E2F6: variants seen among roughly 807,000 people sequenced by gnomAD.
The protein encoded by E2F6 is E2F transcription factor 6.
A neutral mutation model predicts 31.5 loss-of-function variants in E2F6; 19 were observed. The ratio of observed to expected loss-of-function variants is 0.60; its 90% CI spans 0.42 to 0.89. E2F6 has a LOEUF of 0.89. E2F6 is among the 40% of genes least tolerant of loss of function. E2F6 has a pLI of 0.00. For missense variants in E2F6, 269 were observed against 341.6 expected (o/e 0.79, Z 1.67); for synonymous variants, 121 against 127.7 (o/e 0.95, Z 0.36).
At position 11,447,757 on chromosome 2, in the gene E2F6, G is replaced by A. The variant is rs749176304; in HGVS notation, c.669C>T (p.His223=). 6.2e-7 allele frequency: 1 copy of A among 1,612,214 alleles called. No individual in the cohort carries two copies. The highest frequency in any genetic ancestry group is 1.1e-5 in the South Asian group (1 of 90,948). Reference sequence around the variant, plus strand: ...CGATAGGTCCGTTGGTGCTCCTTATGTGCACTGTGATAGAGTCCTAGCAAA... The same window carrying A: ...CGATAGGTCCGTTGGTGCTCCTTATATGCACTGTGATAGAGTCCTAGCAAA... ...PAPREDSITV[H]IRSTNGPIDV... is the part of the protein sequence containing the mutation. The change falls in exon 6 of 7, where the codon CAC becomes CAT. Residue 223 remains histidine, a synonymous_variant. Transcript: ENST00000381525.
chr2:11,459,606 G>A (rs7556984), intron 1 of E2F6, among the ~76,000 whole-genome samples: 45,052 of 151,954 alleles, frequency 0.3, 8,245 homozygotes, highest in East Asian at 0.61. Context: ...AAGTCCAGGC[G>A]CGGTGGCTCA....
intron 1 of E2F6, among the ~76,000 whole-genome samples, chr2:11,462,570 C>CAGCATACTGGAAGCACTACTGGA (rs889200933): frequency 6.6e-6 from 1 of 152,230 alleles, no homozygotes; most frequent in African/African-American, 2.4e-5. Context: ...CAATTCTCTT[C>CAGCATACTGGAAGCACTACTGGA]AGCATACTGG....
Position 11,446,449 on chromosome 2 carries a change from T to C in E2F6, c.*28A>G. The C allele has an allele frequency of 6.5e-7, 1 of 1,539,202 alleles. No individual in the cohort carries two copies. Among genetic ancestry groups the C allele is most frequent in the Non-Finnish European group, 9.0e-7 (1 of 1,115,794 alleles). ...CTCCACGAAGATATTCCCAAAAAACTCAGTGATACATAAATTCTCAAATGC... is the reference window on the plus strand; with the variant it reads ...CTCCACGAAGATATTCCCAAAAAACCCAGTGATACATAAATTCTCAAATGC... On this transcript the variant is annotated 3_prime_UTR_variant, in exon 7 of 7. Coordinates refer to ENST00000381525, the MANE Select transcript of E2F6 (RefSeq NM_198256.4).
At chr2:11,449,228 A>C (rs539916371) in intron 5 of E2F6, among the ~76,000 whole-genome samples, 161 of 152,366 alleles carry the variant, frequency 1.1e-3, no homozygotes, top group Admixed American at 1.9e-3. Context: ...AATGAAAGCC[A>C]GCCCTTACCC....
chr2:11,454,055 T>C (rs1287195691), intron 2 of E2F6, among the ~76,000 whole-genome samples: 4 of 152,220 alleles, frequency 2.6e-5, no homozygotes, highest in African/African-American at 7.2e-5. Flanking sequence ...CCACCGAACA[T>C]GTGGACTTTC....
intron 1 of E2F6, among the ~76,000 whole-genome samples, chr2:11,462,904 T>C (rs757874824): frequency 3.3e-5 from 5 of 152,158 alleles, no homozygotes; most frequent in Non-Finnish European, 7.3e-5. Context: ...AAGTGAAACC[T>C]CAGATGAGAG....
chr2:11,452,228 C>T (rs1671114824), intron 3 of E2F6, among the ~76,000 whole-genome samples: 1 of 152,150 alleles, frequency 6.6e-6, no homozygotes. Context: ...AGTGCCTCTG[C>T]TAACATGTGA....
intron 1 of E2F6, among the ~76,000 whole-genome samples, chr2:11,462,923 T>C (rs1671875891): frequency 6.6e-6 from 1 of 152,156 alleles, no homozygotes; most frequent in Non-Finnish European, 1.5e-5. Context: ...AGGGGACTAA[T>C]AGGAGTTTGA....
At position 11,465,981 on chromosome 2, in the gene E2F6, C is replaced by T. The variant is rs1172269516; in HGVS notation, c.-102G>A. The T allele has an allele frequency of 8.9e-7, 1 of 1,122,516 alleles. No individual in the cohort carries two copies. The highest frequency in any genetic ancestry group is 1.2e-6 in the Non-Finnish European group (1 of 817,942). The allele number at this position is 1,122,516 out of a possible 1,614,324, so 69.5% of individuals were successfully genotyped here. On this transcript the variant is annotated 5_prime_UTR_variant, in exon 1 of 7. Transcript: ENST00000381525. ...CCCCCACGCGCCGATTTCCAAGGGC[C>T]CAGCACCTAAGGGGTCCGCGGCTTC... is the stretch of plus-strand genomic sequence containing the variant.
At chr2:11,448,352 T>C (rs139708027) in intron 5 of E2F6, among the ~76,000 whole-genome samples, 1,551 of 152,246 alleles carry the variant, frequency 0.01, 4 homozygotes, top group Middle Eastern at 0.031. Flanking sequence ...TACTGGGAAT[T>C]ATGCTAAATT....
intron 1 of E2F6, among the ~76,000 whole-genome samples, chr2:11,465,544 A>G (rs1486304983): frequency 6.6e-6 from 1 of 152,272 alleles, no homozygotes; most frequent in Non-Finnish European, 1.5e-5. Flanking sequence ...TTTCTCCAAC[A>G]GTGCTCTGAA....
intron 2 of E2F6, chr2:11,455,421 C>T (rs561748006): frequency 7.8e-7 from 1 of 1,286,044 alleles, no homozygotes; most frequent in South Asian, 1.3e-5. Context: ...ACTTCAGGAA[C>T]AAAGGTACAT....
At chr2:11,456,560 G>T (rs536839994) in intron 2 of E2F6, among the ~76,000 whole-genome samples, 1 of 152,306 alleles carries the variant, frequency 6.6e-6, no homozygotes, top group African/African-American at 2.4e-5. Context: ...AGGTCATTGT[G>T]ACAATCCATG....
At chr2:11,451,850 TAAC>T (rs1671090665) in intron 3 of E2F6, 44 bp from the exon 4 acceptor site, 1 of 1,557,022 alleles carries the variant, frequency 6.4e-7, no homozygotes. Context: ...AACTAGGAGA[TAAC>T]AAAGTAATTT....
chr2:11,448,321 A>G (rs1357845181), intron 5 of E2F6, among the ~76,000 whole-genome samples: 3 of 152,248 alleles, frequency 2.0e-5, no homozygotes, highest in Non-Finnish European at 4.4e-5. Context: ...TCCGTAAGGT[A>G]TCAGGCAACT....
chr2:11,458,292 T>C (rs1405047575), intron 1 of E2F6: 6 of 1,551,792 alleles, frequency 3.9e-6, no homozygotes, highest in East Asian at 4.9e-5. Context: ...GAAGGATTCA[T>C]GGCGAAGGCA....
At chr2:11,464,083 G>C (rs1193044819) in intron 1 of E2F6, among the ~76,000 whole-genome samples, 2 of 152,050 alleles carry the variant, frequency 1.3e-5, no homozygotes, top group African/African-American at 4.8e-5. Context: ...TTTCTAACAC[G>C]AGTGTTGTAG....
At chr2:11,457,136 T>C in intron 2 of E2F6, 43 bp downstream of exon 2, 1 of 1,389,816 alleles carries the variant, frequency 7.2e-7, no homozygotes, top group South Asian at 1.2e-5. Flanking sequence ...TCATAAGAAG[T>C]TCAAACTAAC....
At chr2:11,459,850 C>G (rs1455664111) in intron 1 of E2F6, among the ~76,000 whole-genome samples, 1 of 151,830 alleles carries the variant, frequency 6.6e-6, no homozygotes, top group African/African-American at 2.4e-5. Context: ...TGCCATTGCA[C>G]TCCAGCCCAG....
Sources: gnomAD v4.1 joint callset for allele counts (sites outside exome capture counted in the v4.1 genomes callset) on GRCh38, gnomAD v4.1.1 for gene constraint, MANE v1.5 for transcripts, NCBI Gene and HGNC (gene_info 2026-07-23, HGNC 2026-07-21) for gene names.